SAXO3: variants seen among roughly 807,000 people sequenced by gnomAD.
SAXO3 encodes the protein stabilizer of axonemal microtubules 3.
the SAXO3 span, chr19:49,019,861 A>C: frequency 7.7e-7 from 1 of 1,304,754 alleles, no homozygotes; most frequent in Non-Finnish European, 1.0e-6. Flanking sequence ...ACTCAAATGC[A>C]GTCCCCCGCC....
At chr19:49,018,707 T>TA in the SAXO3 span, among the ~76,000 whole-genome samples, 2,949 of 146,706 alleles carry the variant, frequency 0.02, 79 homozygotes, top group African/African-American at 0.063. Flanking sequence ...CCTGGGTGCT[T>TA]AAAAAAAAAA....
chr19:49,019,538 C>T, the SAXO3 span: 2 of 1,170,058 alleles, frequency 1.7e-6, no homozygotes, highest in Non-Finnish European at 2.2e-6. Flanking sequence ...ACCTCGCGAT[C>T]CCGCCCCAGA....
the SAXO3 span, chr19:49,018,059 TGCGGGCCGCCCCAGG>T: frequency 2.5e-6 from 1 of 398,676 alleles, no homozygotes; most frequent in Non-Finnish European, 4.4e-6. Context: ...GGGCTTCCAG[TGCGGGCCGCCCCAGG>T]GCGCCTCCAG....
chr19:49,020,160 AC>A, the SAXO3 span: 1 of 533,430 alleles, frequency 1.9e-6, no homozygotes, highest in East Asian at 3.5e-5. Context: ...AGTCCCTATC[AC>A]CCCCCACCCC....
At chr19:49,020,044 C>T in the SAXO3 span, 1 of 1,438,092 alleles carries the variant, frequency 7.0e-7, no homozygotes, top group Non-Finnish European at 9.0e-7. Flanking sequence ...TGCTGAGGAC[C>T]TCGTCGAAAG....
At chr19:49,018,447 C>G in the SAXO3 span, 1 of 673,108 alleles carries the variant, frequency 1.5e-6, no homozygotes, top group Non-Finnish European at 2.1e-6. Context: ...CATTTCCAGG[C>G]GAGCACCCCT....
At chr19:49,018,261 C>G in the SAXO3 span, 66 of 989,664 alleles carry the variant, frequency 6.7e-5, no homozygotes, top group African/African-American at 1.0e-3. Flanking sequence ...CGCTGCGGGC[C>G]GTGGCTCCAG....
chr19:49,019,918 T>G, the SAXO3 span: 1 of 1,488,744 alleles, frequency 6.7e-7, no homozygotes, highest in Non-Finnish European at 9.0e-7. Context: ...CCTTTTCTCC[T>G]AAATCCTTGA....
At chr19:49,019,125 C>T in the SAXO3 span, 1 of 1,430,756 alleles carries the variant, frequency 7.0e-7, no homozygotes, top group Non-Finnish European at 9.1e-7. Context: ...ACGGCCCTCA[C>T]ACCCCGCCCC....
chr19:49,018,158 C>T, the SAXO3 span: 15 of 403,880 alleles, frequency 3.7e-5, no homozygotes, highest in East Asian at 5.3e-4. Context: ...AGACAGGGCT[C>T]CCCGGTGCGG....
the SAXO3 span, chr19:49,019,277 A>C: frequency 4.0e-6 from 5 of 1,251,782 alleles, no homozygotes; most frequent in Admixed American, 4.2e-5. Context: ...AGCCACCAAA[A>C]ACAACCTCCC....
At chr19:49,019,762 C>T in the SAXO3 span, 2 of 1,222,080 alleles carry the variant, frequency 1.6e-6, no homozygotes, top group Non-Finnish European at 2.2e-6. Flanking sequence ...CGTCTCGCTG[C>T]TCTGGTACTT....
At chr19:49,019,724 C>T in the SAXO3 span, 5 of 1,173,720 alleles carry the variant, frequency 4.3e-6, no homozygotes, top group African/African-American at 1.6e-5. Context: ...CGCGGGTCCC[C>T]GCTGGGAGAG....
At chr19:49,018,723 G>A in the SAXO3 span, 30 of 686,534 alleles carry the variant, frequency 4.4e-5, no homozygotes, top group South Asian at 2.5e-4. Context: ...AAAAAGGGAG[G>A]GGCTGAGGCC....
chr19:49,018,664 T>TA, the SAXO3 span, among the ~76,000 whole-genome samples: 1 of 151,908 alleles, frequency 6.6e-6, no homozygotes, highest in Non-Finnish European at 1.5e-5. Context: ...TTCCTGTCCC[T>TA]ACCGCGGTTC....
chr19:49,018,756 C>A, the SAXO3 span: 1 of 883,712 alleles, frequency 1.1e-6, no homozygotes, highest in Non-Finnish European at 1.7e-6. Context: ...CTTGCTGCTA[C>A]AGAAGTCGAG....
At chr19:49,019,712 C>A in the SAXO3 span, 1 of 1,178,448 alleles carries the variant, frequency 8.5e-7, no homozygotes, top group East Asian at 3.2e-5. Flanking sequence ...TATTCCGGGG[C>A]GCGCGGGTCC....
the SAXO3 span, chr19:49,019,799 G>C: frequency 4.1e-6 from 5 of 1,229,016 alleles, no homozygotes; most frequent in South Asian, 6.6e-5. Context: ...CGCCAGCCGC[G>C]GTGTCTGAGC....
the SAXO3 span, chr19:49,020,449 T>G: frequency 2.5e-6 from 1 of 399,096 alleles, no homozygotes; most frequent in Non-Finnish European, 4.4e-6. Flanking sequence ...AGATGGCAGT[T>G]GGGCCTGGAT....
Sources: gnomAD v4.1 joint callset for allele counts (sites outside exome capture counted in the v4.1 genomes callset) on GRCh38, gnomAD v4.1.1 for gene constraint, MANE v1.5 for transcripts, NCBI Gene and HGNC (gene_info 2026-07-23, HGNC 2026-07-21) for gene names.